Variants in MGMT observed in about 807,000 individuals in gnomAD.
The protein encoded by MGMT is methylated-DNA--protein-cysteine methyltransferase.
Under a neutral mutation model 15.9 loss-of-function variants are expected in MGMT, and 14 were observed. The observed-to-expected ratio is 0.88, with a 90% confidence interval of 0.58 to 1.37. The LOEUF (loss-of-function observed/expected upper bound fraction) is 1.37. Ranked by LOEUF, MGMT falls within the 40% of genes most tolerant of loss-of-function variation. The pLI is 0.00. For synonymous variants in MGMT, 130 were observed against 118.2 expected, an observed-to-expected ratio of 1.10 and a Z score of -0.65; for missense variants, 282 against 268.1, an observed-to-expected ratio of 1.05 and a Z score of -0.36.
intron 1 of MGMT, among the ~76,000 whole-genome samples, chr10:129,500,908 C>T (rs1845568214): frequency 2.0e-5 from 3 of 152,170 alleles, no homozygotes; most frequent in Admixed American, 2.0e-4. Flanking sequence ...AGTTCAGTGT[C>T]TCTGATTAAT....
chr10:129,733,674 A>C (rs1848528233), intron 3 of MGMT, among the ~76,000 whole-genome samples: 1 of 152,094 alleles, frequency 6.6e-6, no homozygotes, highest in African/African-American at 2.4e-5. Flanking sequence ...GTTTTCTTCT[A>C]GGTTTTTTAT....
chr10:129,594,456 T>C (rs1487402285), intron 2 of MGMT, among the ~76,000 whole-genome samples: 1 of 152,206 alleles, frequency 6.6e-6, no homozygotes, highest in Non-Finnish European at 1.5e-5. Context: ...ACTGTGTTCT[T>C]TGAAACCTTG....
intron 2 of MGMT, among the ~76,000 whole-genome samples, chr10:129,624,364 G>C (rs939868093): frequency 6.6e-6 from 1 of 152,178 alleles, no homozygotes; most frequent in Non-Finnish European, 1.5e-5. Flanking sequence ...AGTTCCTGCA[G>C]CCTGTTGGAC....
At chr10:129,492,834 A>G (rs1845483147) in intron 1 of MGMT, among the ~76,000 whole-genome samples, 1 of 152,140 alleles carries the variant, frequency 6.6e-6, no homozygotes, top group Non-Finnish European at 1.5e-5. Flanking sequence ...GGCTGCCTCC[A>G]TTAGTTCGTT....
chr10:129,665,293 C>G (rs895595906), intron 2 of MGMT, among the ~76,000 whole-genome samples: 1 of 139,290 alleles, frequency 7.2e-6, no homozygotes, highest in Non-Finnish European at 1.6e-5. Context: ...TCCCAACTCT[C>G]TCTCTCCCAA....
intron 2 of MGMT, among the ~76,000 whole-genome samples, chr10:129,545,760 T>C (rs1472397357): frequency 4.6e-5 from 7 of 152,364 alleles, no homozygotes; most frequent in African/African-American, 1.7e-4. Flanking sequence ...TTTTCTGATA[T>C]TTAAACTGGC....
intron 2 of MGMT, among the ~76,000 whole-genome samples, chr10:129,608,347 G>A (rs746123220): frequency 6.6e-6 from 1 of 152,264 alleles, no homozygotes; most frequent in African/African-American, 2.4e-5. Flanking sequence ...AAGGCAGGAG[G>A]GGAGGAACTC....
intron 2 of MGMT, among the ~76,000 whole-genome samples, chr10:129,570,119 G>A (rs962330914): frequency 1.3e-5 from 2 of 152,206 alleles, no homozygotes; most frequent in Admixed American, 6.5e-5. Flanking sequence ...GTGCATGGCC[G>A]CAGCAGACTG....
chr10:129,707,913 C>T lies in MGMT; in HGVS notation c.144C>T (p.Ala48=), dbSNP rs201285731. The change falls in exon 3 of 5, where the codon GCC becomes GCT. Residue 48 remains alanine, a synonymous_variant. Coordinates refer to ENST00000651593, the MANE Select transcript of MGMT (RefSeq NM_002412.5). ...TSAADAVEVP[A]PAAVLGGPEP... ...TTTGCAGTGCCGTGGAGGTCCCAGC[C>T]CCCGCTGCGGTTCTCGGAGGTCCGG... The T allele has an allele frequency of 1.9e-6, 3 of 1,611,798 alleles. No individual in the cohort carries two copies. The highest frequency in any genetic ancestry group is 3.3e-5 in the Admixed American group (2 of 59,978).
chr10:129,668,250 T>C (rs1216371315), intron 2 of MGMT, among the ~76,000 whole-genome samples: 3 of 152,154 alleles, frequency 2.0e-5, no homozygotes, highest in South Asian at 2.1e-4. Flanking sequence ...TTAAGCTTTG[T>C]GGACCACAGA....
At chr10:129,765,929 T>C (rs1848928591) in intron 4 of MGMT, among the ~76,000 whole-genome samples, 1 of 152,086 alleles carries the variant, frequency 6.6e-6, no homozygotes, top group African/African-American at 2.4e-5. Flanking sequence ...AGTGGACCCA[T>C]GGAGCTCCTC....
At chr10:129,517,988 C>A (rs1845757970) in intron 1 of MGMT, among the ~76,000 whole-genome samples, 1 of 152,058 alleles carries the variant, frequency 6.6e-6, no homozygotes, top group Non-Finnish European at 1.5e-5. Context: ...GGCCTGCCTG[C>A]CTTATTTGGA....
At chr10:129,597,069 G>A (rs1320447113) in intron 2 of MGMT, among the ~76,000 whole-genome samples, 1 of 152,166 alleles carries the variant, frequency 6.6e-6, no homozygotes, top group Non-Finnish European at 1.5e-5. Flanking sequence ...GGATAAATGA[G>A]CAAGAAGATT....
chr10:129,719,505 G>C (rs1001986401), intron 3 of MGMT, among the ~76,000 whole-genome samples: 1 of 152,180 alleles, frequency 6.6e-6, no homozygotes, highest in African/African-American at 2.4e-5. Context: ...GGTGCGGCAG[G>C]GTGTCAGCTA....
At chr10:129,586,998 T>A (rs1049822295) in intron 2 of MGMT, among the ~76,000 whole-genome samples, 5 of 152,250 alleles carry the variant, frequency 3.3e-5, no homozygotes, top group African/African-American at 7.2e-5. Flanking sequence ...TTAAAAGATA[T>A]TTTTGCTGTG....
chr10:129,675,249 G>A (rs1456567543), intron 2 of MGMT, among the ~76,000 whole-genome samples: 1 of 152,146 alleles, frequency 6.6e-6, no homozygotes, highest in African/African-American at 2.4e-5. Context: ...CGGGCAACCA[G>A]AGGAGTTTCG....
rs1414794097 is a variant in MGMT at position 129,766,844 on chromosome 10, C to G, written c.471C>G (p.Asn157Lys). The G allele has an allele frequency of 6.2e-7, 1 of 1,613,744 alleles. No homozygotes were observed. The highest frequency in any genetic ancestry group is 8.5e-7 in the Non-Finnish European group (1 of 1,180,040). ...TCTGCAGCAGCGGAGCCGTGGGCAACTACTCCGGAGGACTGGCCGTGAAGG... is the reference window on the plus strand; with the variant it reads ...TCTGCAGCAGCGGAGCCGTGGGCAAGTACTCCGGAGGACTGGCCGTGAAGG... The part of the protein sequence containing the change: ...RVVCSSGAVG[N>K]YSGGLAVKEW... The change falls in exon 5 of 5, where the codon AAC becomes AAG. Residue 157 changes from asparagine (N) to lysine (K), a missense_variant. Physicochemically the swap from Asn to Lys is moderately conservative, Grantham distance 94. Coordinates refer to ENST00000651593, the MANE Select transcript of MGMT (RefSeq NM_002412.5).
At chr10:129,483,413 A>G (rs548102339) in intron 1 of MGMT, among the ~76,000 whole-genome samples, 39 of 152,106 alleles carry the variant, frequency 2.6e-4, no homozygotes, top group African/African-American at 9.2e-4. Context: ...TTTACACCTG[A>G]AAACCTTGTA....
chr10:129,511,831 G>A (rs1403457682), intron 1 of MGMT, among the ~76,000 whole-genome samples: 1 of 152,150 alleles, frequency 6.6e-6, no homozygotes, highest in African/African-American at 2.4e-5. Context: ...AGCATCACCT[G>A]GGCCTACCCA....
Sources: gnomAD v4.1 joint callset for allele counts (sites outside exome capture counted in the v4.1 genomes callset) on GRCh38, gnomAD v4.1.1 for gene constraint, MANE v1.5 for transcripts, NCBI Gene and HGNC (gene_info 2026-07-23, HGNC 2026-07-21) for gene names.